The following WWTR1 variants were observed in gnomAD, a reference collection of about 807,000 sequenced individuals.
WWTR1 encodes the protein WW domain-containing transcription regulator protein 1.
In WWTR1, 13 loss-of-function variants were observed where a neutral mutation model predicts 40.1. The observed-to-expected ratio is 0.32, with a 90% CI of 0.21 to 0.52. WWTR1 has a LOEUF of 0.52. Ranked by LOEUF, WWTR1 falls within the 20% of genes least tolerant of loss-of-function variation. WWTR1 has a pLI of 0.97. For missense variants in WWTR1, 436 were observed against 523.1 expected (o/e 0.83, Z 1.63); for synonymous variants, 230 against 210.1 (o/e 1.09, Z -0.82).
At chr3:149,636,639 A>C (rs1321886905) in intron 2 of WWTR1, among the ~76,000 whole-genome samples, 1 of 152,246 alleles carries the variant, frequency 6.6e-6, no homozygotes, top group African/African-American at 2.4e-5. Flanking sequence ...GGCACACAGT[A>C]TGTGCTCCAT....
At chr3:149,656,774 C>T (rs1043771760) in intron 2 of WWTR1, 102 bp downstream of exon 2, 32 of 999,800 alleles carry the variant, frequency 3.2e-5, no homozygotes, top group Admixed American at 7.4e-5. Context: ...TTCTCTCTCT[C>T]TCTCTCTCTC....
At chr3:149,614,227 T>G (rs1208415038) in intron 2 of WWTR1, among the ~76,000 whole-genome samples, 1 of 152,206 alleles carries the variant, frequency 6.6e-6, no homozygotes, top group Admixed American at 6.5e-5. Flanking sequence ...AAGATCATGA[T>G]GGAGCTAAAT....
intron 4 of WWTR1, among the ~76,000 whole-genome samples, chr3:149,722,098 T>C (rs890782020): frequency 2.0e-5 from 3 of 152,136 alleles, no homozygotes; most frequent in Non-Finnish European, 4.4e-5. Flanking sequence ...TAATTTCTGA[T>C]TTTAATAATT....
intron 3 of WWTR1, among the ~76,000 whole-genome samples, chr3:149,560,308 G>C (rs897750000): frequency 1.5e-4 from 23 of 152,220 alleles, no homozygotes; most frequent in Admixed American, 1.1e-3. Flanking sequence ...AGGAGACACA[G>C]AGGAGAGGAG....
At chr3:149,576,223 G>A in intron 2 of WWTR1, 1 of 394,932 alleles carries the variant, frequency 2.5e-6, no homozygotes, top group Non-Finnish European at 5.0e-6. Flanking sequence ...AAGTAAGAGT[G>A]AGCTATTGCT....
chr3:149,665,311 C>T (rs569803886), intron 2 of WWTR1, among the ~76,000 whole-genome samples: 4 of 149,874 alleles, frequency 2.7e-5, no homozygotes, highest in African/African-American at 7.4e-5. Context: ...CTGCAAACTC[C>T]GCCTCCCGGG....
At chr3:149,653,525 G>T (rs1051194890) in intron 2 of WWTR1, among the ~76,000 whole-genome samples, 7 of 152,312 alleles carry the variant, frequency 4.6e-5, no homozygotes, top group African/African-American at 1.7e-4. Flanking sequence ...TACTCTAAAG[G>T]AATATCTGAA....
intron 2 of WWTR1, among the ~76,000 whole-genome samples, chr3:149,631,613 T>G (rs546493979): frequency 1.3e-5 from 2 of 152,288 alleles, no homozygotes; most frequent in African/African-American, 2.4e-5. Flanking sequence ...CAGCAATGCA[T>G]CCTCCTTGCC....
chr3:149,709,639 T>C (rs1715429480), intron 5 of WWTR1, among the ~76,000 whole-genome samples: 1 of 152,112 alleles, frequency 6.6e-6, no homozygotes, highest in Non-Finnish European at 1.5e-5. Context: ...GAGCGGTGGC[T>C]CACGACCGTA....
intron 2 of WWTR1, among the ~76,000 whole-genome samples, chr3:149,574,338 C>A (rs1737782533): frequency 6.6e-6 from 1 of 152,174 alleles, no homozygotes; most frequent in African/African-American, 2.4e-5. Flanking sequence ...CCGCACCCAG[C>A]CCAGTATCAG....
intron 2 of WWTR1, among the ~76,000 whole-genome samples, chr3:149,648,399 A>G (rs1407109848): frequency 1.3e-5 from 2 of 152,100 alleles, no homozygotes; most frequent in Non-Finnish European, 2.9e-5. Flanking sequence ...CCCCTGATGG[A>G]GGTTACAGTG....
chr3:149,714,690 G>T (rs997278696), intron 5 of WWTR1, among the ~76,000 whole-genome samples: 6 of 152,204 alleles, frequency 3.9e-5, no homozygotes, highest in African/African-American at 1.4e-4. Flanking sequence ...TGGGCAGAAT[G>T]GGGTGGGTCC....
chr3:149,707,918 C>T (rs996727051), upstream of WWTR1, among the ~76,000 whole-genome samples: 1 of 152,004 alleles, frequency 6.6e-6, no homozygotes, highest in African/African-American at 2.4e-5. Context: ...ATTGGTATGG[C>T]CAACAGTATG....
chr3:149,524,620 C>T (rs571260955), intron 6 of WWTR1, among the ~76,000 whole-genome samples: 3 of 152,262 alleles, frequency 2.0e-5, no homozygotes, highest in Admixed American at 6.5e-5. Flanking sequence ...CTGTGTCACT[C>T]CTCACAAGAT....
chr3:149,718,665 C>T (rs1715671610), intron 4 of WWTR1, among the ~76,000 whole-genome samples: 1 of 152,170 alleles, frequency 6.6e-6, no homozygotes, highest in Non-Finnish European at 1.5e-5. Flanking sequence ...TGGCAACCAT[C>T]ATTCTACTTT....
chr3:149,586,451 G>T (rs1470666458), intron 2 of WWTR1, among the ~76,000 whole-genome samples: 1 of 152,142 alleles, frequency 6.6e-6, no homozygotes, highest in Admixed American at 6.5e-5. Context: ...ACCAAATCGG[G>T]AAACCATGTG....
intron 2 of WWTR1, among the ~76,000 whole-genome samples, chr3:149,631,615 C>T (rs1192465281): frequency 6.6e-6 from 1 of 152,140 alleles, no homozygotes; most frequent in Non-Finnish European, 1.5e-5. Flanking sequence ...GCAATGCATC[C>T]TCCTTGCCTA....
intron 3 of WWTR1, among the ~76,000 whole-genome samples, chr3:149,546,271 A>G (rs1198281145): frequency 6.6e-6 from 1 of 152,272 alleles, no homozygotes; most frequent in Admixed American, 6.5e-5. Flanking sequence ...TTTTCAAAGT[A>G]AAGCACATAT....
chr3:149,627,344 CAT>C (rs1740610948), intron 2 of WWTR1, among the ~76,000 whole-genome samples: 1 of 152,164 alleles, frequency 6.6e-6, no homozygotes, highest in Non-Finnish European at 1.5e-5. Flanking sequence ...TGTAGGGTGT[CAT>C]GTGGGGTAAT....
Sources: gnomAD v4.1 joint callset for allele counts (sites outside exome capture counted in the v4.1 genomes callset) on GRCh38, gnomAD v4.1.1 for gene constraint, MANE v1.5 for transcripts, NCBI Gene and HGNC (gene_info 2026-07-23, HGNC 2026-07-21) for gene names.